The following LRP6 variants were observed in gnomAD, a reference collection of about 807,000 sequenced individuals.
LRP6 encodes the protein LDL receptor related protein 6, also known as low-density lipoprotein receptor-related protein 6.
Under a neutral mutation model 184.1 loss-of-function variants are expected in LRP6, and 43 were observed. The observed-to-expected ratio is 0.23, with a 90% CI of 0.18 to 0.30. The LOEUF (loss-of-function observed/expected upper bound fraction) is 0.30. Among genes scored for constraint, LRP6 ranks in the 10% least tolerant of loss-of-function variants. The pLI is 1.00. For missense variants in LRP6, 1,571 were observed against 2,005.3 expected, an observed-to-expected ratio of 0.78 and a Z score of 4.14; for synonymous variants, 719 against 684.9, an observed-to-expected ratio of 1.05 and a Z score of -0.78.
chr12:12,149,849 A>G (rs1419066503), intron 13 of LRP6, among the ~76,000 whole-genome samples: 2 of 152,154 alleles, frequency 1.3e-5, no homozygotes, highest in African/African-American at 4.8e-5. Context: ...TGCCATCTGA[A>G]CTGTATCTTA....
At chr12:12,230,961 T>A (rs1327341729) in intron 2 of LRP6, among the ~76,000 whole-genome samples, 1 of 151,820 alleles carries the variant, frequency 6.6e-6, no homozygotes, top group Non-Finnish European at 1.5e-5. Context: ...GGTGGGCAGA[T>A]CACAAGGTCA....
At chr12:12,132,816 T>C (rs1302387843) in intron 17 of LRP6, among the ~76,000 whole-genome samples, 1 of 152,226 alleles carries the variant, frequency 6.6e-6, no homozygotes, top group Admixed American at 6.5e-5. Flanking sequence ...CTAAGTGTGG[T>C]AGTTTCTAAT....
At position 12,162,313 on chromosome 12, in the gene LRP6, T is replaced by C; in HGVS notation, c.2159A>G (p.Tyr720Cys). 6.2e-7 allele frequency: 1 copy of C among 1,614,192 alleles called. No individual in the cohort carries two copies. The highest frequency in any genetic ancestry group is 2.2e-5 in the East Asian group (1 of 44,878). Residue 720 changes from tyrosine to cysteine, a missense_variant, in exon 10 of 23, where the codon TAC (tyrosine) becomes TGC (cysteine). This residue lies in a region of LRP6 where 158 missense variants were observed against 258.4 expected (regional missense o/e 0.61). Transcript: ENST00000261349. ...TCGATTCGTTCCTGTGTCTGCCCAG[T>C]ACAAGTTCTTCCCAAGCCAGTCTAC... The part of the protein sequence containing the change: ...MAVDWLGKNL[Y>C]WADTGTNRIE...
At chr12:12,218,225 C>T (rs546835882) in intron 2 of LRP6, among the ~76,000 whole-genome samples, 56 of 152,222 alleles carry the variant, frequency 3.7e-4, no homozygotes, top group Admixed American at 7.9e-4. Context: ...ATAGTCCCAG[C>T]GACTGGGGAG....
At chr12:12,220,525 ACAAAGC>A (rs1198965439) in intron 2 of LRP6, among the ~76,000 whole-genome samples, 1 of 151,864 alleles carries the variant, frequency 6.6e-6, no homozygotes, top group Non-Finnish European at 1.5e-5. Flanking sequence ...CTCTTTAATC[ACAAAGC>A]CATTTATGAT....
chr12:12,205,157 C>T (rs1218383145), intron 2 of LRP6, among the ~76,000 whole-genome samples: 1 of 150,404 alleles, frequency 6.6e-6, no homozygotes, highest in South Asian at 2.1e-4. Context: ...GGTGAAACCC[C>T]ATCTCTACTA....
rs139800650 is a variant in LRP6 at position 12,165,216 on chromosome 12, C to A, written c.1625G>T (p.Gly542Val). 1 of 1,614,136 alleles carries A rather than the reference C, an allele frequency of 6.2e-7. No individual in the cohort carries two copies. Among genetic ancestry groups the A allele is most frequent in the East Asian group, 2.2e-5 (1 of 44,878 alleles). The change falls in exon 8 of 23, where the codon GGT becomes GTT. Residue 542 changes from glycine (G) to valine (V), a missense_variant. Physicochemically the swap from Gly to Val is moderately radical, Grantham distance 109. Coordinates refer to ENST00000261349, the MANE Select transcript of LRP6 (RefSeq NM_002336.3). The part of the protein sequence containing the change: ...IPHIFGFTLL[G>V]DYVYWTDWQR... Reference sequence around the variant, plus strand: ...CCAGTCAGTCCAGTAAACATAGTCACCCAACAAAGTAAATCCAAATATGTG... The same window carrying A: ...CCAGTCAGTCCAGTAAACATAGTCAACCAACAAAGTAAATCCAAATATGTG...
At chr12:12,208,405 A>G (rs919327304) in intron 2 of LRP6, among the ~76,000 whole-genome samples, 1 of 152,250 alleles carries the variant, frequency 6.6e-6, no homozygotes, top group African/African-American at 2.4e-5. Flanking sequence ...ATTCTAACTC[A>G]GTAAAGTTGC....
chr12:12,260,259 T>G (rs1006106442), intron 1 of LRP6, among the ~76,000 whole-genome samples: 1 of 151,556 alleles, frequency 6.6e-6, no homozygotes, highest in African/African-American at 2.4e-5. Flanking sequence ...GGGCCTGCAG[T>G]CCCAGCTACT....
intron 12 of LRP6, among the ~76,000 whole-genome samples, chr12:12,152,339 T>C (rs756416087): frequency 2.6e-5 from 4 of 152,200 alleles, no homozygotes; most frequent in Non-Finnish European, 2.9e-5. Flanking sequence ...AATGAACTAA[T>C]GCAGTGGTGC....
At chr12:12,256,012 G>A (rs372021273) in intron 1 of LRP6, among the ~76,000 whole-genome samples, 1 of 152,064 alleles carries the variant, frequency 6.6e-6, no homozygotes, top group Non-Finnish European at 1.5e-5. Context: ...GGTAAAATAA[G>A]GTACATACAG....
chr12:12,193,252 C>T (rs1863663113), intron 3 of LRP6, among the ~76,000 whole-genome samples: 1 of 150,946 alleles, frequency 6.6e-6, no homozygotes, highest in Admixed American at 6.6e-5. Flanking sequence ...AATACTAATG[C>T]CTATACTAGA....
intron 1 of LRP6, chr12:12,248,934 T>C: frequency 2.3e-6 from 1 of 437,638 alleles, no homozygotes; most frequent in East Asian, 4.8e-5. Context: ...AGACTCTCTG[T>C]TGTTCCAAAT....
chr12:12,193,448 T>C (rs1863669207), intron 3 of LRP6, among the ~76,000 whole-genome samples: 2 of 151,430 alleles, frequency 1.3e-5, no homozygotes, highest in Non-Finnish European at 3.0e-5. Context: ...AGAAGCTGGT[T>C]GTTCTTTGAA....
chr12:12,139,067 C>A (rs551896444), intron 15 of LRP6: 5 of 1,201,312 alleles, frequency 4.2e-6, no homozygotes, highest in South Asian at 3.0e-5. Flanking sequence ...TGAGAAAGTT[C>A]TTTTATACAG....
intron 7 of LRP6, among the ~76,000 whole-genome samples, chr12:12,167,485 T>C (rs1468745761): frequency 2.6e-4 from 39 of 151,888 alleles, no homozygotes; most frequent in Admixed American, 2.2e-3. Context: ...CTACTAAAAA[T>C]ACAAAAAATT....
Position 12,126,822 on chromosome 12 carries a change from C to A in LRP6, c.4181G>T (p.Cys1394Phe). The change falls in exon 20 of 23, where the codon TGC becomes TTC. Residue 1394 changes from cysteine (C) to phenylalanine (F), a missense_variant. Coordinates refer to ENST00000261349, the MANE Select transcript of LRP6 (RefSeq NM_002336.3). The part of the protein sequence containing the change: ...IFVSGTVYFI[C>F]QRMLCPRMKG... ...CATACGTGGACACAACATCCTCTGG[C>A]AGATAAAGTATACAGTTCCAGACAC... The A allele has an allele frequency of 6.2e-7, 1 of 1,614,108 alleles. No homozygotes were observed. Among genetic ancestry groups the A allele is most frequent in the Non-Finnish European group, 8.5e-7 (1 of 1,179,996 alleles).
intron 1 of LRP6, 83 bp from the exon 2 acceptor site, chr12:12,244,738 G>A: frequency 1.6e-6 from 2 of 1,270,828 alleles, no homozygotes; most frequent in East Asian, 4.9e-5. Context: ...ATCGGTTTAA[G>A]TGAGCAAAGA....
intron 1 of LRP6, among the ~76,000 whole-genome samples, chr12:12,251,943 C>T (rs918208005): frequency 8.5e-5 from 13 of 152,150 alleles, no homozygotes; most frequent in Admixed American, 2.0e-4. Context: ...AATCATGGCT[C>T]ATTGCAACGG....
Sources: allele counts gnomAD v4.1 joint callset (sites outside exome capture counted in the v4.1 genomes callset), GRCh38; gene constraint gnomAD v4.1.1; regional missense constraint gnomAD v4.1.1; transcripts MANE v1.5; gene names NCBI Gene and HGNC (gene_info 2026-07-23, HGNC 2026-07-21).